The following PTPRD variants were observed in gnomAD, a reference collection of about 807,000 sequenced individuals.
PTPRD encodes the protein receptor-type tyrosine-protein phosphatase delta.
A neutral mutation model predicts 214.5 loss-of-function variants in PTPRD; 34 were observed. The observed-to-expected ratio is 0.16, with a 90% CI of 0.12 to 0.21. The LOEUF (loss-of-function observed/expected upper bound fraction) is 0.21. Among genes scored for constraint, PTPRD ranks in the 10% least tolerant of loss-of-function variants. The pLI, the probability that PTPRD is intolerant of heterozygous loss-of-function variation, is 1.00. For missense variants in PTPRD, 2,545 were observed against 2,398.7 expected (o/e 1.06, Z -1.27); for synonymous variants, 1,128 against 845.7 (o/e 1.33, Z -5.79).
At chr9:8,984,203 GT>G (rs1404238636) in intron 11 of PTPRD, among the ~76,000 whole-genome samples, 28 of 152,080 alleles carry the variant, frequency 1.8e-4, no homozygotes, top group African/African-American at 6.7e-4. Context: ...ATTAAATACA[GT>G]TTTTATTAAA....
intron 4 of PTPRD, among the ~76,000 whole-genome samples, chr9:9,981,098 C>A (rs2095528795): frequency 6.6e-6 from 1 of 151,986 alleles, no homozygotes; most frequent in South Asian, 2.1e-4. Context: ...GTCTACATCA[C>A]GTTATTATTT....
rs562550955 is a variant in PTPRD at position 8,481,581 on chromosome 9, C to T, written c.3413+2538G>A. 9.9e-5 allele frequency among the ~76,000 whole-genome samples: 15 copies of T among 152,216 alleles called. No homozygotes were observed. The South Asian group carries it at 3.1e-3, about 32-fold the overall frequency. On this transcript the variant is annotated intron_variant, in intron 30 of 45. Coordinates refer to ENST00000381196, the MANE Select transcript of PTPRD (RefSeq NM_002839.4). ...CCTTCTAGAAAATCCCTTTGCCATG[C>T]TGCTCTGGCTCAGTTCTCCTGTTAG...
intron 6 of PTPRD, among the ~76,000 whole-genome samples, chr9:9,756,275 T>A (rs1042556003): frequency 2.0e-5 from 3 of 152,144 alleles, no homozygotes; most frequent in African/African-American, 7.2e-5. Flanking sequence ...AGTCTATGGT[T>A]TCTCTCTCAG....
chr9:8,321,098 G>A (rs1223415210), intron 44 of PTPRD, among the ~76,000 whole-genome samples: 1 of 152,090 alleles, frequency 6.6e-6, no homozygotes, highest in Non-Finnish European at 1.5e-5. Flanking sequence ...AGAAGTGATT[G>A]AAGATGTCTA....
At chr9:10,271,534 C>CTTTTTTTTTTT (rs1251429330) in intron 3 of PTPRD, among the ~76,000 whole-genome samples, 2 of 86,572 alleles carry the variant, frequency 2.3e-5, no homozygotes, top group African/African-American at 3.1e-5. Context: ...TCAATTGTTT[C>CTTTTTTTTTTT]TTTTCTTTTC....
At chr9:10,318,809 A>C (rs1210361600) in intron 3 of PTPRD, among the ~76,000 whole-genome samples, 2 of 152,008 alleles carry the variant, frequency 1.3e-5, no homozygotes, top group Non-Finnish European at 2.9e-5. Flanking sequence ...CTGCTGGCTC[A>C]AATCAGATTA....
chr9:9,607,983 G>C (rs891463010), intron 7 of PTPRD, among the ~76,000 whole-genome samples: 17 of 152,234 alleles, frequency 1.1e-4, no homozygotes, highest in South Asian at 4.1e-4. Flanking sequence ...CTGGATTTGG[G>C]AGAGCAATCG....
At chr9:9,172,578 C>T (rs926238438) in intron 10 of PTPRD, among the ~76,000 whole-genome samples, 2 of 152,068 alleles carry the variant, frequency 1.3e-5, no homozygotes, top group Admixed American at 6.6e-5. Flanking sequence ...ATTTAATTGG[C>T]TTATTCATGA....
chr9:9,094,299 G>A (rs1186714872), intron 10 of PTPRD, among the ~76,000 whole-genome samples: 2 of 152,040 alleles, frequency 1.3e-5, no homozygotes, highest in Non-Finnish European at 2.9e-5. Context: ...ACCAATGAGT[G>A]GATAAATAAT....
At chr9:9,998,126 A>T (rs1306755167) in intron 4 of PTPRD, among the ~76,000 whole-genome samples, 4 of 78,584 alleles carry the variant, frequency 5.1e-5, no homozygotes, top group African/African-American at 1.7e-4. Flanking sequence ...AAAAAAAAAA[A>T]AAAATATATA....
intron 2 of PTPRD, among the ~76,000 whole-genome samples, chr9:10,381,603 T>G (rs1180750555): frequency 6.6e-6 from 1 of 151,998 alleles, no homozygotes; most frequent in African/African-American, 2.4e-5. Flanking sequence ...ACCTGTTATC[T>G]GGCTACAAAA....
At chr9:8,705,858 A>G (rs972324279) in intron 12 of PTPRD, among the ~76,000 whole-genome samples, 1 of 152,204 alleles carries the variant, frequency 6.6e-6, no homozygotes, top group Non-Finnish European at 1.5e-5. Context: ...CCTAGCATTT[A>G]TATTTGTTAA....
At chr9:10,236,120 C>T (rs1267031964) in intron 3 of PTPRD, among the ~76,000 whole-genome samples, 1 of 151,916 alleles carries the variant, frequency 6.6e-6, no homozygotes, top group Non-Finnish European at 1.5e-5. Flanking sequence ...TTTACTATAA[C>T]TAATTTCACG....
chr9:9,584,507 C>T (rs2091543536), intron 7 of PTPRD, among the ~76,000 whole-genome samples: 1 of 151,858 alleles, frequency 6.6e-6, no homozygotes, highest in Non-Finnish European at 1.5e-5. Context: ...CAACTCCCTC[C>T]CATTTTGTAC....
chr9:9,988,137 C>T (rs2095787365), intron 4 of PTPRD, among the ~76,000 whole-genome samples: 1 of 152,050 alleles, frequency 6.6e-6, no homozygotes, highest in African/African-American at 2.4e-5. Flanking sequence ...GAGTAAATTG[C>T]TTGTATTGAT....
intron 5 of PTPRD, among the ~76,000 whole-genome samples, chr9:9,906,399 A>G (rs2077578990): frequency 6.6e-6 from 1 of 151,902 alleles, no homozygotes; most frequent in Non-Finnish European, 1.5e-5. Flanking sequence ...AGACTACACT[A>G]TACAGATAAT....
chr9:10,259,189 A>AT (rs35655882), intron 3 of PTPRD, among the ~76,000 whole-genome samples: 23,677 of 151,128 alleles, frequency 0.16, 1,956 homozygotes, highest in African/African-American at 0.19. Flanking sequence ...CGCCCGGCTA[A>AT]TTTTTTTTGT....
intron 4 of PTPRD, among the ~76,000 whole-genome samples, chr9:9,944,629 T>A (rs1282834714): frequency 6.6e-6 from 1 of 151,704 alleles, no homozygotes; most frequent in Admixed American, 6.6e-5. Context: ...ATTCCAAGAA[T>A]AGGCCACATG....
chr9:9,739,683 T>G (rs2098367902), intron 6 of PTPRD, among the ~76,000 whole-genome samples: 2 of 152,010 alleles, frequency 1.3e-5, no homozygotes, highest in African/African-American at 4.8e-5. Flanking sequence ...TGCAGTACAA[T>G]ATATGATATA....
Sources: gnomAD v4.1 joint callset for allele counts (sites outside exome capture counted in the v4.1 genomes callset) on GRCh38, gnomAD v4.1.1 for gene constraint, MANE v1.5 for transcripts, NCBI Gene and HGNC (gene_info 2026-07-23, HGNC 2026-07-21) for gene names.